The following RNF145 variants were observed in gnomAD, a reference collection of about 807,000 sequenced individuals.
The protein encoded by RNF145 is ring finger protein 145.
RNF145 carries 12 observed loss-of-function variants against 57.3 expected under a neutral mutation model. The observed-to-expected ratio is 0.21, with a 90% confidence interval of 0.13 to 0.34. The LOEUF is 0.34. Among genes scored for constraint, RNF145 ranks in the 10% least tolerant of loss-of-function variants. The pLI, the probability that RNF145 is intolerant of heterozygous loss-of-function variation, is 1.00. For synonymous variants in RNF145, 262 were observed against 288.3 expected (o/e 0.91, Z 0.92); for missense variants, 429 against 799.0 (o/e 0.54, Z 5.58).
intron 9 of RNF145, 48 bp from the exon 10 acceptor site, chr5:159,161,670 A>G (rs1272783457): frequency 2.7e-6 from 3 of 1,091,628 alleles, no homozygotes; most frequent in African/African-American, 1.6e-5. Flanking sequence ...GATCACTAAG[A>G]TACTTTTTTC....
intron 2 of RNF145, among the ~76,000 whole-genome samples, chr5:159,199,702 T>C (rs1176640293): frequency 6.6e-6 from 1 of 152,198 alleles, no homozygotes; most frequent in Non-Finnish European, 1.5e-5. Flanking sequence ...TCACCTGCTC[T>C]AAAATCCCCA....
chr5:159,159,234 T>C (rs1431556517), intron 10 of RNF145, among the ~76,000 whole-genome samples, 199 bp from the exon 11 acceptor site: 1 of 152,194 alleles, frequency 6.6e-6, no homozygotes, highest in Non-Finnish European at 1.5e-5. Context: ...ATGCAAGAAC[T>C]ACTGGCTAAG....
At chr5:159,196,059 C>A (rs1407507998) in intron 2 of RNF145, among the ~76,000 whole-genome samples, 1 of 152,100 alleles carries the variant, frequency 6.6e-6, no homozygotes, top group Non-Finnish European at 1.5e-5. Context: ...TGTCCCATAT[C>A]CTAATCTGCT....
chr5:159,173,809 T>C (rs775707500), intron 6 of RNF145, among the ~76,000 whole-genome samples, 174 bp downstream of exon 6: 9 of 152,208 alleles, frequency 5.9e-5, no homozygotes, highest in Non-Finnish European at 1.5e-5. Flanking sequence ...ATTATTATGT[T>C]AGCACCTCCC....
chr5:159,157,592 TA>T lies in RNF145; in HGVS notation c.*1077del, dbSNP rs1191309496. ...GTTTCTTTTCATATCAAAATTCCCATAAAAAATTACATTCCCCCCTCCCCAG... is the reference window on the plus strand; with the variant it reads ...GTTTCTTTTCATATCAAAATTCCCATAAAAATTACATTCCCCCCTCCCCAG... On this transcript the variant is annotated 3_prime_UTR_variant, in exon 11 of 11. Transcript: ENST00000424310. The T allele has an allele frequency of 6.7e-6, 1 of 148,780 alleles. No homozygotes were observed. The highest frequency in any genetic ancestry group is 2.4e-5 in the African/African-American group (1 of 40,968). 9.2% of individuals were successfully genotyped at this position (148,780 alleles called of 1,614,324 possible).
chr5:159,204,904 A>C (rs1439266295), intron 1 of RNF145, among the ~76,000 whole-genome samples: 1 of 152,166 alleles, frequency 6.6e-6, no homozygotes, highest in Non-Finnish European at 1.5e-5. Context: ...TATCCTTTTA[A>C]GAATTTTGCT....
At chr5:159,206,240 C>T (rs1050362736) in intron 1 of RNF145, among the ~76,000 whole-genome samples, 4 of 152,118 alleles carry the variant, frequency 2.6e-5, no homozygotes, top group Admixed American at 6.5e-5. Flanking sequence ...GAATTAAATA[C>T]GCCCAAATAA....
At chr5:159,173,007 GA>G (rs1159786275) in intron 6 of RNF145, among the ~76,000 whole-genome samples, 1 of 152,182 alleles carries the variant, frequency 6.6e-6, no homozygotes, top group South Asian at 2.1e-4. Flanking sequence ...CTCAAGAGTG[GA>G]AAAAATAACA....
chr5:159,197,937 C>T (rs1401348643), intron 2 of RNF145, among the ~76,000 whole-genome samples: 1 of 151,838 alleles, frequency 6.6e-6, no homozygotes, highest in African/African-American at 2.4e-5. Flanking sequence ...CAGAGCATGA[C>T]CCTGTCTCTA....
intron 1 of RNF145, chr5:159,207,905 C>G: frequency 6.2e-7 from 1 of 1,612,438 alleles, no homozygotes; most frequent in Non-Finnish European, 8.5e-7. Context: ...ATCGGCCGCT[C>G]AGCCTGGGTC....
In RNF145 at chr5:159,203,297, T is replaced by C; in HGVS notation, c.184+137A>G. On this transcript the variant is annotated intron_variant, in intron 2 of 10. Transcript: ENST00000424310. ...CAATGATAAGACAAAACTATCAAGATTCATAAACACTCATCAATAACTATA... is the reference window on the plus strand; with the variant it reads ...CAATGATAAGACAAAACTATCAAGACTCATAAACACTCATCAATAACTATA... 5 of 626,104 alleles carry C rather than the reference T, an allele frequency of 8.0e-6. No homozygotes were observed. The East Asian group carries it at 8.2e-5, about 10-fold the overall frequency. The allele number at this position is 626,104 out of a possible 1,614,324, so 38.8% of individuals were successfully genotyped here.
intron 3 of RNF145, among the ~76,000 whole-genome samples, chr5:159,191,687 G>C (rs1054427188): frequency 6.6e-6 from 1 of 152,174 alleles, no homozygotes; most frequent in East Asian, 1.9e-4. Context: ...AGCTACTCAG[G>C]AGGCTGAGGC....
At chr5:159,173,837 G>T in intron 6 of RNF145, 146 bp downstream of exon 6, 1 of 551,062 alleles carries the variant, frequency 1.8e-6, no homozygotes, top group Non-Finnish European at 3.1e-6. Context: ...CCAAACCTAG[G>T]TATCCAGTGA....
At chr5:159,167,074 T>C (rs1407873728) in intron 8 of RNF145, among the ~76,000 whole-genome samples, 1 of 152,260 alleles carries the variant, frequency 6.6e-6, no homozygotes, top group Non-Finnish European at 1.5e-5. Flanking sequence ...TTAATTTCTT[T>C]AACTGTTATA....
At chr5:159,199,376 G>A (rs556121623) in intron 2 of RNF145, among the ~76,000 whole-genome samples, 141 of 116,960 alleles carry the variant, frequency 1.2e-3, no homozygotes, top group Middle Eastern at 4.2e-3. Context: ...CAGGGAGTTA[G>A]GAGAAAAATC....
intron 4 of RNF145, among the ~76,000 whole-genome samples, chr5:159,180,339 G>A (rs1784849712): frequency 6.6e-6 from 1 of 151,968 alleles, no homozygotes; most frequent in South Asian, 2.1e-4. Flanking sequence ...CTCAGCTCCT[G>A]GGAATCTGGA....
intron 1 of RNF145, among the ~76,000 whole-genome samples, chr5:159,205,385 C>A (rs1225021432): frequency 6.6e-6 from 1 of 152,124 alleles, no homozygotes; most frequent in Non-Finnish European, 1.5e-5. Context: ...TGCAAACCAA[C>A]CACTGAGGAA....
chr5:159,179,613 A>G (rs533327542), intron 4 of RNF145, among the ~76,000 whole-genome samples: 2 of 152,264 alleles, frequency 1.3e-5, no homozygotes, highest in African/African-American at 4.8e-5. Flanking sequence ...AAGAGTTTTA[A>G]GAAATATGCT....
chr5:159,204,739 G>A (rs536901837), intron 1 of RNF145, among the ~76,000 whole-genome samples: 1 of 149,146 alleles, frequency 6.7e-6, no homozygotes, highest in South Asian at 2.1e-4. Flanking sequence ...GGGATGCAGA[G>A]GTTGCAGTGA....
Sources: gnomAD v4.1 joint callset for allele counts (sites outside exome capture counted in the v4.1 genomes callset) on GRCh38, gnomAD v4.1.1 for gene constraint, MANE v1.5 for transcripts, NCBI Gene and HGNC (gene_info 2026-07-23, HGNC 2026-07-21) for gene names.